BMPR2: variants seen among roughly 807,000 people sequenced by gnomAD.
BMPR2 encodes the protein bone morphogenetic protein receptor type 2.
Under a neutral mutation model 100.8 loss-of-function variants are expected in BMPR2, and 29 were observed. The observed-to-expected ratio is 0.29, with a 90% CI of 0.21 to 0.39. The LOEUF is 0.39. Ranked by LOEUF, BMPR2 falls within the 10% of genes least tolerant of loss-of-function variation. The probability of loss-of-function intolerance (pLI) is 1.00; values close to 1 mark genes in which losing one functional copy is unlikely to be tolerated. For missense variants in BMPR2, 1,011 were observed against 1,274.5 expected (o/e 0.79, Z 3.15); for synonymous variants, 382 against 442.3 (o/e 0.86, Z 1.71).
chr2:202,482,436 C>T (rs1213879251), intron 3 of BMPR2, among the ~76,000 whole-genome samples: 4 of 152,184 alleles, frequency 2.6e-5, no homozygotes, highest in African/African-American at 9.6e-5. Flanking sequence ...TGCAGTGGCA[C>T]GATCATAGCT....
Position 202,486,874 on chromosome 2 carries a change from A to T in BMPR2, c.418+19185A>T, listed in dbSNP as rs544376926. Among the ~76,000 whole-genome samples, 799 of 152,078 alleles carry T rather than the reference A, an allele frequency of 5.3e-3. 4 individuals carry two copies. Among genetic ancestry groups the T allele is most frequent in the African/African-American group, 0.017 (709 of 41,486 alleles). The stretch of plus-strand genomic sequence containing the variant: ...GACCCTGCCTCTACAAGAAATTTTT[A>T]AAAAAATTAGCTGGGTGTGGTGGTG... On this transcript the variant is annotated intron_variant, in intron 3 of 12. Transcript: ENST00000374580.
intron 12 of BMPR2, 28 bp downstream of exon 12, chr2:202,556,559 CTGTG>C: frequency 6.2e-7 from 1 of 1,606,270 alleles, no homozygotes; most frequent in Non-Finnish European, 8.5e-7. Context: ...ATAATCTCTC[CTGTG>C]TGTCTTTTGG....
intron 5 of BMPR2, among the ~76,000 whole-genome samples, chr2:202,517,469 T>G (rs1196507102): frequency 1.3e-5 from 2 of 151,702 alleles, no homozygotes; most frequent in Non-Finnish European, 2.9e-5. Flanking sequence ...ATGCAAGTAT[T>G]TAAGTCTCCA....
intron 7 of BMPR2, among the ~76,000 whole-genome samples, chr2:202,526,994 G>C (rs1687926217): frequency 6.6e-6 from 1 of 152,044 alleles, no homozygotes; most frequent in Non-Finnish European, 1.5e-5. Context: ...CTCCCAAGTA[G>C]CTGGGATTAC....
At chr2:202,420,537 ATTTTTTTTTTTTTTTT>A (rs10555458) in intron 1 of BMPR2, among the ~76,000 whole-genome samples, 9 of 59,012 alleles carry the variant, frequency 1.5e-4, no homozygotes, top group African/African-American at 4.8e-4. Context: ...TAGAAGCATG[ATTTTTTTTTTTTTTTT>A]TTTTTTTTTT....
chr2:202,558,719 C>T (rs1026022647), intron 12 of BMPR2, among the ~76,000 whole-genome samples: 2 of 151,216 alleles, frequency 1.3e-5, no homozygotes, highest in East Asian at 2.0e-4. Flanking sequence ...CATGGAGAAA[C>T]CCGGTCTCTA....
Position 202,566,965 on chromosome 2 carries a change from T to G in BMPR2, c.*7019T>G, listed in dbSNP as rs1312124332. ...AAGAAAAAATTACTAAAAGATGCAA[T>G]TCAAAGATAGGTCCCAGTTTAACAC... On this transcript the variant is annotated 3_prime_UTR_variant, in exon 13 of 13. Coordinates refer to ENST00000374580, the MANE Select transcript of BMPR2 (RefSeq NM_001204.7). 6.6e-6 allele frequency: 1 copy of G among 152,210 alleles called. No homozygotes were observed. Among genetic ancestry groups the G allele is most frequent in the Non-Finnish European group, 1.5e-5 (1 of 68,032 alleles). The allele number at this position is 152,210 out of a possible 1,614,324, so 9.4% of individuals were successfully genotyped here.
At chr2:202,377,995 C>A (rs1391422221) in intron 1 of BMPR2, among the ~76,000 whole-genome samples, 1 of 152,176 alleles carries the variant, frequency 6.6e-6, no homozygotes, top group Non-Finnish European at 1.5e-5. Flanking sequence ...ACACTTGAAC[C>A]TTATTTTGAA....
Position 202,514,943 on chromosome 2 carries a change from A to C in BMPR2, c.585A>C (p.Glu195Asp). 1 of 1,614,098 alleles carries C rather than the reference A, an allele frequency of 6.2e-7. No homozygotes were observed. The highest frequency in any genetic ancestry group is 8.5e-7 in the Non-Finnish European group (1 of 1,180,014). ...SMNMMEAAAS[E>D]PSLDLDNLKL... The stretch of plus-strand genomic sequence containing the variant: ...ACATGATGGAGGCAGCAGCATCCGA[A>C]CCCTCTCTTGATCTAGATAATCTGA... The change falls in exon 5 of 13, where the codon GAA (glutamate) becomes GAC (aspartate). Residue 195 changes from glutamate (E) to aspartate (D), a missense_variant. Glu to Asp is a conservative substitution (Grantham distance 45). Transcript: ENST00000374580.
chr2:202,505,362 T>TA (rs1553507425), intron 3 of BMPR2: 2 of 150,370 alleles, frequency 1.3e-5, no homozygotes, highest in African/African-American at 2.4e-5. Flanking sequence ...TTTTTTTTTT[T>TA]AATAAATTTT....
At chr2:202,537,127 C>T (rs1411808725) in intron 9 of BMPR2, among the ~76,000 whole-genome samples, 1 of 152,078 alleles carries the variant, frequency 6.6e-6, no homozygotes, top group Non-Finnish European at 1.5e-5. Flanking sequence ...AACTCCTGGG[C>T]TCAAGTGATC....
intron 1 of BMPR2, among the ~76,000 whole-genome samples, chr2:202,428,813 C>T (rs1691444496): frequency 6.6e-6 from 1 of 152,178 alleles, no homozygotes; most frequent in African/African-American, 2.4e-5. Flanking sequence ...CTTTATATCT[C>T]TTGATATCTT....
At chr2:202,538,793 C>CAAAAA (rs34853164) in intron 9 of BMPR2, among the ~76,000 whole-genome samples, 1 of 60,320 alleles carries the variant, frequency 1.7e-5, no homozygotes, top group Non-Finnish European at 3.3e-5. Context: ...GACTCTGTCT[C>CAAAAA]AAAAAAAAAA....
intron 3 of BMPR2, chr2:202,504,910 ACAT>A (rs1352177552): frequency 6.6e-6 from 1 of 152,644 alleles, no homozygotes; most frequent in Non-Finnish European, 1.5e-5. Context: ...TGCACTCCTG[ACAT>A]CATGATCCAC....
In BMPR2 at chr2:202,377,090, C is replaced by T. The variant is rs962842520; in HGVS notation, c.-385C>T. The T allele has an allele frequency of 5.6e-6, 3 of 533,300 alleles. No individual in the cohort carries two copies. In the South Asian group the frequency reaches 8.5e-5, roughly 15 times the overall value. 33.0% of individuals were successfully genotyped at this position (533,300 alleles called of 1,614,324 possible). On this transcript the variant is annotated 5_prime_UTR_variant, in exon 1 of 13. Coordinates refer to ENST00000374580, the MANE Select transcript of BMPR2 (RefSeq NM_001204.7). ...CTCGCCCCCCGACCCCGGATCGAAT[C>T]CCCGCCCTCCGCACCCTGGATATGT...
At chr2:202,478,654 A>G (rs1204785800) in intron 3 of BMPR2, among the ~76,000 whole-genome samples, 2 of 152,190 alleles carry the variant, frequency 1.3e-5, no homozygotes, top group East Asian at 1.9e-4. Flanking sequence ...CACACCTGTA[A>G]TCCCAGCATT....
At chr2:202,395,975 A>G (rs1559025067) in intron 1 of BMPR2, among the ~76,000 whole-genome samples, 2 of 152,110 alleles carry the variant, frequency 1.3e-5, no homozygotes. Flanking sequence ...AAAAAAGCTT[A>G]CAATTCCTTT....
At chr2:202,538,030 G>A (rs1033128806) in intron 9 of BMPR2, among the ~76,000 whole-genome samples, 1 of 152,204 alleles carries the variant, frequency 6.6e-6, no homozygotes, top group Non-Finnish European at 1.5e-5. Context: ...GCTGAGGCAG[G>A]AGAATCACCT....
chr2:202,383,740 A>C (rs1409267674), intron 1 of BMPR2, among the ~76,000 whole-genome samples: 2 of 151,220 alleles, frequency 1.3e-5, no homozygotes, highest in East Asian at 3.9e-4. Flanking sequence ...AATCCTAGCT[A>C]CTCAGGAAGC....
Sources: allele counts gnomAD v4.1 joint callset (sites outside exome capture counted in the v4.1 genomes callset), GRCh38; gene constraint gnomAD v4.1.1; transcripts MANE v1.5; gene names NCBI Gene and HGNC (gene_info 2026-07-23, HGNC 2026-07-21).